The following MTHFD2L variants were observed in gnomAD, a reference collection of about 807,000 sequenced individuals.
MTHFD2L encodes the protein methylenetetrahydrofolate dehydrogenase (NADP+ dependent) 2 like.
In MTHFD2L, 29 loss-of-function variants were observed where a neutral mutation model predicts 34.9. The observed-to-expected ratio is 0.83, with a 90% CI of 0.62 to 1.13. The LOEUF is 1.13. Among genes scored for constraint, MTHFD2L ranks in the 50% most tolerant of loss-of-function variants. MTHFD2L has a pLI of 0.00. For missense variants in MTHFD2L, 481 were observed against 446.5 expected (o/e 1.08, Z -0.70); for synonymous variants, 167 against 155.7 (o/e 1.07, Z -0.54).
intron 5 of MTHFD2L, among the ~76,000 whole-genome samples, chr4:74,207,975 A>T (rs1163521374): frequency 6.6e-6 from 1 of 151,804 alleles, no homozygotes; most frequent in Non-Finnish European, 1.5e-5. Flanking sequence ...ATGCAAAGTG[A>T]TCACACCACT....
chr4:74,174,421 G>A, intron 1 of MTHFD2L, 85 bp from the exon 2 acceptor site: 1 of 1,073,188 alleles, frequency 9.3e-7, no homozygotes, highest in Non-Finnish European at 1.2e-6. Context: ...GAATCATGGT[G>A]GTTTTATTGA....
chr4:74,282,462 G>T (rs1747625845), intron 7 of MTHFD2L, among the ~76,000 whole-genome samples: 1 of 152,064 alleles, frequency 6.6e-6, no homozygotes, highest in Admixed American at 6.6e-5. Context: ...AAATAATTTA[G>T]ATTTTGTTTT....
rs187352968 is a variant in MTHFD2L at position 74,223,174 on chromosome 4, A to G, written c.713-2128A>G. Among the ~76,000 whole-genome samples the G allele has an allele frequency of 2.0e-5, 3 of 152,116 alleles. No individual in the cohort carries two copies. In the East Asian group the frequency reaches 5.8e-4, roughly 29 times the overall value. Reference sequence around the variant, plus strand: ...TCACAGTCACAAAGATATGAAATCAACCTAAATGCCCATTAATGGTAGACT... The same window carrying G: ...TCACAGTCACAAAGATATGAAATCAGCCTAAATGCCCATTAATGGTAGACT... On this transcript the variant is annotated intron_variant, in intron 5 of 7. Coordinates refer to ENST00000325278, the MANE Select transcript of MTHFD2L (RefSeq NM_001144978.3).
chr4:74,187,093 ACAAT>A (rs1731430970), intron 3 of MTHFD2L, among the ~76,000 whole-genome samples: 1 of 152,212 alleles, frequency 6.6e-6, no homozygotes, highest in Admixed American at 6.5e-5. Context: ...ACTGGCTGGA[ACAAT>A]CAGATATTCA....
chr4:74,175,264 A>G lies in MTHFD2L; in HGVS notation c.329-17A>G, dbSNP rs775470303. 12 of 1,609,898 alleles carry G rather than the reference A, an allele frequency of 7.5e-6. 1 individual carries two copies. Among genetic ancestry groups the G allele is most frequent in the Admixed American group, 1.7e-5 (1 of 59,572 alleles). On this transcript the variant is annotated splice_polypyrimidine_tract_variant and intron_variant, in intron 2 of 7. Coordinates refer to ENST00000325278, the MANE Select transcript of MTHFD2L (RefSeq NM_001144978.3). ...TTCAGTTAGTCAAGTGACCTTCTCT[A>G]CCTGTTTTTCTTCTAGGTATTTGTA...
chr4:74,271,887 T>C (rs552104855), intron 6 of MTHFD2L, among the ~76,000 whole-genome samples: 3 of 152,290 alleles, frequency 2.0e-5, no homozygotes, highest in East Asian at 3.9e-4. Context: ...GTCTTTCACA[T>C]CCCTTGTAAG....
intron 3 of MTHFD2L, chr4:74,180,898 TC>T (rs1456192625): frequency 1.1e-5 from 2 of 185,034 alleles, no homozygotes; most frequent in East Asian, 2.5e-4. Context: ...TATGTTATAT[TC>T]TTTTTTTCTT....
At chr4:74,158,688 C>T (rs1160252627) in intron 1 of MTHFD2L, among the ~76,000 whole-genome samples, 1 of 152,126 alleles carries the variant, frequency 6.6e-6, no homozygotes, top group Admixed American at 6.5e-5. Flanking sequence ...GTTTGCGTTT[C>T]TGAATTCCTT....
chr4:74,214,006 T>C (rs1183335306), intron 5 of MTHFD2L, among the ~76,000 whole-genome samples: 2 of 151,868 alleles, frequency 1.3e-5, no homozygotes, highest in Non-Finnish European at 2.9e-5. Context: ...ATTCTGCTAT[T>C]GATTCTTGTG....
Position 74,292,527 on chromosome 4 carries a change from G to A in MTHFD2L, c.932-9170G>A, listed in dbSNP as rs74846185. On this transcript the variant is annotated intron_variant, in intron 7 of 7. Coordinates refer to ENST00000325278, the MANE Select transcript of MTHFD2L (RefSeq NM_001144978.3). ...TCCAGAAAGCTTTATCTAGTTTACA[G>A]ATTTGCCACTCTGATACAAATATTC... Among the ~76,000 whole-genome samples the A allele has an allele frequency of 2.2e-3, 329 of 152,070 alleles. 1 individual carries two copies. The highest frequency in any genetic ancestry group is 3.8e-3 in the Admixed American group (58 of 15,262).
chr4:74,177,694 T>C (rs573547990), intron 3 of MTHFD2L, among the ~76,000 whole-genome samples: 8 of 152,006 alleles, frequency 5.3e-5, no homozygotes, highest in African/African-American at 1.9e-4. Context: ...GCATGACAGT[T>C]CCTCAAAAAA....
At chr4:74,145,921 G>T (rs548391897) in intron 1 of MTHFD2L, among the ~76,000 whole-genome samples, 1 of 152,232 alleles carries the variant, frequency 6.6e-6, no homozygotes, top group South Asian at 2.1e-4. Flanking sequence ...AGTCGAAGCT[G>T]CTATGCTCCC....
At chr4:74,195,545 A>T (rs564794841) in intron 3 of MTHFD2L, 2 of 152,324 alleles carry the variant, frequency 1.3e-5, no homozygotes, top group East Asian at 3.9e-4. Context: ...AGAAAGAGGG[A>T]TATTTAAGAT....
At chr4:74,207,847 A>G (rs770137094) in intron 5 of MTHFD2L, among the ~76,000 whole-genome samples, 2 of 147,928 alleles carry the variant, frequency 1.4e-5, no homozygotes, top group African/African-American at 2.6e-5. Context: ...TGCTTGAGGC[A>G]GTGCAACGTG....
intron 3 of MTHFD2L, among the ~76,000 whole-genome samples, chr4:74,181,268 G>A (rs1160607057): frequency 1.3e-5 from 2 of 152,064 alleles, no homozygotes; most frequent in Admixed American, 1.3e-4. Flanking sequence ...TTTTAATATG[G>A]TATTTCACAA....
At chr4:74,204,015 C>A (rs1446563245) in intron 5 of MTHFD2L, among the ~76,000 whole-genome samples, 1 of 151,910 alleles carries the variant, frequency 6.6e-6, no homozygotes, top group East Asian at 1.9e-4. Flanking sequence ...TCTCAGTAAT[C>A]CTAGCATATA....
intron 7 of MTHFD2L, among the ~76,000 whole-genome samples, chr4:74,295,912 A>G (rs1749574742): frequency 6.6e-6 from 1 of 152,178 alleles, no homozygotes; most frequent in South Asian, 2.1e-4. Flanking sequence ...ATTAATACAC[A>G]GTGCTGTTCA....
chr4:74,252,971 G>A (rs1346950131), intron 6 of MTHFD2L, among the ~76,000 whole-genome samples: 1 of 152,066 alleles, frequency 6.6e-6, no homozygotes, highest in Non-Finnish European at 1.5e-5. Context: ...TAAGGGGTAA[G>A]GAGAATACCT....
chr4:74,217,585 G>A lies in MTHFD2L; in HGVS notation c.713-7717G>A, dbSNP rs1461785245. Among the ~76,000 whole-genome samples, 3 of 151,764 alleles carry A rather than the reference G, an allele frequency of 2.0e-5. 1 individual carries two copies. The highest frequency in any genetic ancestry group is 7.3e-5 in the African/African-American group (3 of 41,070). On this transcript the variant is annotated intron_variant, in intron 5 of 7. Transcript: ENST00000325278. ...CTCAGATTTTCCGTATCCCGAGAAAGTGACAAAGCAAAACTCTATATGTGA... is the reference window on the plus strand; with the variant it reads ...CTCAGATTTTCCGTATCCCGAGAAAATGACAAAGCAAAACTCTATATGTGA...
Sources: gnomAD v4.1 joint callset for allele counts (sites outside exome capture counted in the v4.1 genomes callset) on GRCh38, gnomAD v4.1.1 for gene constraint, MANE v1.5 for transcripts, NCBI Gene and HGNC (gene_info 2026-07-23, HGNC 2026-07-21) for gene names.